The following SOX6 variants were observed in gnomAD, a reference collection of about 807,000 sequenced individuals.
SOX6 encodes SRY-box transcription factor 6.
A neutral mutation model predicts 97.8 loss-of-function variants in SOX6; 11 were observed. The observed-to-expected ratio is 0.11, with a 90% CI of 0.07 to 0.19. The LOEUF is 0.19. Among genes scored for constraint, SOX6 ranks in the 10% least tolerant of loss-of-function variants. The pLI is 1.00. For synonymous variants in SOX6, 360 were observed against 371.4 expected (o/e 0.97, Z 0.35); for missense variants, 810 against 1,039.5 (o/e 0.78, Z 3.04).
chr11:16,536,919 A>C (rs1234120871), intron 4 of SOX6, among the ~76,000 whole-genome samples: 1 of 152,184 alleles, frequency 6.6e-6, no homozygotes, highest in Non-Finnish European at 1.5e-5. Context: ...AGACTTAAAC[A>C]TCCCTGTCTG....
chr11:16,004,304 A>G (rs900088731), intron 13 of SOX6, among the ~76,000 whole-genome samples: 5 of 151,988 alleles, frequency 3.3e-5, no homozygotes, highest in African/African-American at 1.2e-4. Context: ...AAATGTAACT[A>G]TCCCCAAATT....
intron 6 of SOX6, among the ~76,000 whole-genome samples, chr11:16,174,621 A>C (rs1851134336): frequency 6.6e-6 from 1 of 152,012 alleles, no homozygotes; most frequent in Non-Finnish European, 1.5e-5. Flanking sequence ...CCATCTCTCA[A>C]GTCTGGTATG....
intron 4 of SOX6, among the ~76,000 whole-genome samples, chr11:16,608,157 GGGA>G (rs1848357473): frequency 6.6e-6 from 1 of 152,096 alleles, no homozygotes; most frequent in Non-Finnish European, 1.5e-5. Flanking sequence ...TAGGGCTGCT[GGGA>G]GGAGGAGTCA....
At chr11:16,067,243 A>C (rs1172134279) in intron 9 of SOX6, among the ~76,000 whole-genome samples, 1 of 152,052 alleles carries the variant, frequency 6.6e-6, no homozygotes, top group Admixed American at 6.6e-5. Context: ...TTGGGAGGAG[A>C]CTGGGGCAAA....
At chr11:16,120,561 C>CATATATATATAT (rs71455877) in intron 6 of SOX6, among the ~76,000 whole-genome samples, 211 of 145,088 alleles carry the variant, frequency 1.5e-3, no homozygotes, top group African/African-American at 4.2e-3. Context: ...GCTAACTTCA[C>CATATATATATAT]ATATATATAT....
At chr11:16,658,504 C>T (rs1847741415) in intron 3 of SOX6, among the ~76,000 whole-genome samples, 3 of 152,028 alleles carry the variant, frequency 2.0e-5, no homozygotes, top group South Asian at 2.1e-4. Flanking sequence ...GTCAGAAGAT[C>T]GAGACCATCC....
At chr11:16,661,243 G>T (rs1453287062) in intron 3 of SOX6, among the ~76,000 whole-genome samples, 1 of 152,104 alleles carries the variant, frequency 6.6e-6, no homozygotes, top group African/African-American at 2.4e-5. Flanking sequence ...AGTCTGCTTT[G>T]TCTGAAGATA....
intron 7 of SOX6, among the ~76,000 whole-genome samples, chr11:16,099,256 A>C (rs554902368): frequency 6.6e-6 from 1 of 151,984 alleles, no homozygotes; most frequent in African/African-American, 2.4e-5. Context: ...AAAAAAGATA[A>C]CTAGGCCAAA....
At chr11:16,225,862 T>C (rs888465006) in intron 4 of SOX6, among the ~76,000 whole-genome samples, 12 of 152,150 alleles carry the variant, frequency 7.9e-5, no homozygotes, top group Non-Finnish European at 1.2e-4. Context: ...TGTAATAAAT[T>C]TGCATTTTAA....
rs1284737227 is a variant in SOX6 at position 16,701,458 on chromosome 11, G to A, written n.429+13372C>T. ...CTATTTAATCATGGATAAAAAAGAAGTGACAAGTTTTTAGAATTGACATAT... is the reference window on the plus strand; with the variant it reads ...CTATTTAATCATGGATAAAAAAGAAATGACAAGTTTTTAGAATTGACATAT... On this transcript the variant is annotated intron_variant and non_coding_transcript_variant, in intron 3 of 5. Transcript: ENST00000524520. 2.0e-5 allele frequency among the ~76,000 whole-genome samples: 3 copies of A among 152,126 alleles called. No homozygotes were observed. The East Asian group carries it at 5.8e-4, about 29-fold the overall frequency.
intron 3 of SOX6, among the ~76,000 whole-genome samples, chr11:16,667,163 C>T (rs1167675746): frequency 4.0e-5 from 6 of 151,836 alleles, no homozygotes; most frequent in Non-Finnish European, 7.4e-5. Flanking sequence ...TGGTTTGATC[C>T]CAAAAGATGA....
intron 3 of SOX6, among the ~76,000 whole-genome samples, chr11:16,242,846 G>A (rs552373890): frequency 1.3e-3 from 196 of 151,860 alleles, no homozygotes; most frequent in Non-Finnish European, 2.5e-3. Flanking sequence ...TTAAAACAAG[G>A]TTATAGTCCT....
At chr11:16,336,814 A>G (rs1183355835) in intron 2 of SOX6, among the ~76,000 whole-genome samples, 1 of 152,120 alleles carries the variant, frequency 6.6e-6, no homozygotes, top group East Asian at 1.9e-4. Context: ...CTGTTTCTCA[A>G]ACATACAAAC....
chr11:16,341,029 A>G lies in SOX6; in HGVS notation c.220T>C (p.Ser74Pro). Reference protein sequence around the residue: ...QQDADWDSVLSSQQRMESENN... With the variant: ...QQDADWDSVLPSQQRMESENN... ...AGGCTCACCATTCTTTGCTGAGATG[A>G]CAGAACGCTGTCCCAGTCAGCATCT... Residue 74 changes from serine (S) to proline (P), a missense_variant, in exon 2 of 16, where the codon TCA becomes CCA. By Grantham distance (74) the Ser-to-Pro change is moderately conservative. This residue lies in a region of SOX6 where 100 missense variants were observed against 94.6 expected (regional missense o/e 1.06). Transcript: ENST00000683767. The G allele has an allele frequency of 1.2e-6, 2 of 1,613,384 alleles. No homozygotes were observed.
intron 4 of SOX6, among the ~76,000 whole-genome samples, chr11:16,211,478 C>A: frequency 6.7e-6 from 1 of 150,296 alleles, no homozygotes; most frequent in Non-Finnish European, 1.5e-5. Flanking sequence ...AAACTATTTA[C>A]AAAAATATGG....
At chr11:16,384,064 T>C (rs1202648120) in intron 1 of SOX6, among the ~76,000 whole-genome samples, 1 of 151,934 alleles carries the variant, frequency 6.6e-6, no homozygotes, top group Non-Finnish European at 1.5e-5. Context: ...AGAAACGTTG[T>C]TAAAAAAGTA....
intron 3 of SOX6, among the ~76,000 whole-genome samples, chr11:16,646,563 G>C (rs1263772720): frequency 6.6e-6 from 1 of 151,338 alleles, no homozygotes; most frequent in Non-Finnish European, 1.5e-5. Flanking sequence ...AGATTCTGGT[G>C]TACCCATCAT....
intron 4 of SOX6, among the ~76,000 whole-genome samples, chr11:16,598,064 G>A (rs549792206): frequency 6.6e-6 from 1 of 152,206 alleles, no homozygotes; most frequent in East Asian, 1.9e-4. Flanking sequence ...CCAGATAACT[G>A]TAAGTATAGA....
At chr11:16,299,521 G>A (rs1855193343) in intron 3 of SOX6, among the ~76,000 whole-genome samples, 1 of 152,030 alleles carries the variant, frequency 6.6e-6, no homozygotes, top group South Asian at 2.1e-4. Context: ...TTTTCCCTAA[G>A]AACTGGTTAA....
Sources: allele counts gnomAD v4.1 joint callset (sites outside exome capture counted in the v4.1 genomes callset), GRCh38; gene constraint gnomAD v4.1.1; regional missense constraint gnomAD v4.1.1; transcripts MANE v1.5; gene names NCBI Gene and HGNC (gene_info 2026-07-23, HGNC 2026-07-21).